Variants in SIPA1L2 observed in about 807,000 individuals in gnomAD.
SIPA1L2 encodes signal-induced proliferation-associated 1-like protein 2.
Under a neutral mutation model 163.9 loss-of-function variants are expected in SIPA1L2, and 56 were observed. The observed-to-expected ratio is 0.34, with a 90% CI of 0.28 to 0.43. The LOEUF is 0.43. Among genes scored for constraint, SIPA1L2 ranks in the 20% least tolerant of loss-of-function variants. SIPA1L2 has a pLI of 1.00. For synonymous variants in SIPA1L2, 877 were observed against 865.7 expected (o/e 1.01, Z -0.23); for missense variants, 1,974 against 2,193.5 (o/e 0.90, Z 2.00).
At chr1:232,627,629 TAA>T (rs1663152355) in intron 1 of SIPA1L2, among the ~76,000 whole-genome samples, 1 of 152,168 alleles carries the variant, frequency 6.6e-6, no homozygotes, top group Non-Finnish European at 1.5e-5. Flanking sequence ...CTTATTAGAC[TAA>T]AAGTTACATT....
chr1:232,458,296 T>C (rs933512340), intron 10 of SIPA1L2, among the ~76,000 whole-genome samples: 41 of 152,374 alleles, frequency 2.7e-4, no homozygotes, highest in Non-Finnish European at 5.0e-4. Context: ...TAATTATGTG[T>C]AGACCAAGGC....
chr1:232,460,741 C>T (rs983218252), intron 10 of SIPA1L2, 146 bp downstream of exon 10: 10 of 971,196 alleles, frequency 1.0e-5, no homozygotes, highest in Non-Finnish European at 1.5e-5. Context: ...ATCCCAACAA[C>T]ATTGTACAAA....
chr1:232,606,000 T>TGAG (rs1312096493), intron 1 of SIPA1L2, among the ~76,000 whole-genome samples: 1 of 152,224 alleles, frequency 6.6e-6, no homozygotes, highest in African/African-American at 2.4e-5. Context: ...ATGATGCTAC[T>TGAG]GAGTTCAAGA....
At chr1:232,572,738 CATATATATATATATATAT>C (rs1219493276) in intron 2 of SIPA1L2, among the ~76,000 whole-genome samples, 1 of 39,712 alleles carries the variant, frequency 2.5e-5, no homozygotes, top group Non-Finnish European at 5.5e-5. Flanking sequence ...TACATACATA[CATATATATATATATATAT>C]ATATATATAT....
chr1:232,584,637 C>T (rs1170396133), intron 1 of SIPA1L2, among the ~76,000 whole-genome samples: 1 of 152,158 alleles, frequency 6.6e-6, no homozygotes, highest in East Asian at 1.9e-4. Flanking sequence ...ATTAATCTAC[C>T]TCTTGTCAAT....
Position 232,500,549 on chromosome 1 carries a change from A to C in SIPA1L2, c.1484-6889T>G, listed in dbSNP as rs1237078996. 2.0e-5 allele frequency among the ~76,000 whole-genome samples: 3 copies of C among 152,214 alleles called. No homozygotes were observed. The East Asian group carries it at 5.8e-4, about 29-fold the overall frequency. On this transcript the variant is annotated intron_variant, in intron 3 of 22. Coordinates refer to ENST00000674635, the MANE Select transcript of SIPA1L2 (RefSeq NM_020808.5). ...AAGAGTTCACTGGAGGAAGTATTGC[A>C]GATATGGTAGAAATAGCAAGAGAAC...
intron 2 of SIPA1L2, among the ~76,000 whole-genome samples, chr1:232,572,860 C>T (rs1659874436): frequency 6.6e-6 from 1 of 151,152 alleles, no homozygotes; most frequent in Non-Finnish European, 1.5e-5. Flanking sequence ...CTCACCGCAA[C>T]CTCCGCCTCC....
intron 1 of SIPA1L2, among the ~76,000 whole-genome samples, chr1:232,620,175 G>A (rs1465270477): frequency 6.6e-6 from 1 of 152,140 alleles, no homozygotes; most frequent in Admixed American, 6.5e-5. Context: ...GAGCCACCAC[G>A]CCCGGCCAGA....
intron 10 of SIPA1L2, among the ~76,000 whole-genome samples, chr1:232,448,654 AG>A (rs1011828309): frequency 3.5e-4 from 54 of 152,362 alleles, no homozygotes; most frequent in African/African-American, 1.3e-3. Context: ...AGGTGTGCTG[AG>A]GGAAAAATCA....
chr1:232,438,783 TCTTCTC>T (rs1662713899), intron 15 of SIPA1L2, among the ~76,000 whole-genome samples: 2 of 152,086 alleles, frequency 1.3e-5, no homozygotes, highest in South Asian at 4.1e-4. Flanking sequence ...GAGTGCCACC[TCTTCTC>T]CAAAACACGT....
chr1:232,613,928 C>G (rs74846069), intron 1 of SIPA1L2, among the ~76,000 whole-genome samples: 106 of 152,222 alleles, frequency 7.0e-4, no homozygotes, highest in African/African-American at 2.4e-3. Context: ...TATTCCGAGT[C>G]CAACAATAAC....
intron 2 of SIPA1L2, among the ~76,000 whole-genome samples, chr1:232,562,977 T>TA (rs1357514155): frequency 3.9e-5 from 6 of 152,330 alleles, no homozygotes; most frequent in Admixed American, 3.3e-4. Flanking sequence ...CATCACCTGT[T>TA]AGACTGCCAA....
chr1:232,555,154 T>C (rs1174468031), intron 2 of SIPA1L2, among the ~76,000 whole-genome samples: 2 of 152,208 alleles, frequency 1.3e-5, no homozygotes, highest in Admixed American at 6.5e-5. Context: ...TGACTCTTCT[T>C]TCGAACAAAT....
At chr1:232,580,244 G>A (rs1302246150) in intron 1 of SIPA1L2, among the ~76,000 whole-genome samples, 1 of 152,150 alleles carries the variant, frequency 6.6e-6, no homozygotes, top group Admixed American at 6.5e-5. Context: ...GTGTCTTTTA[G>A]CATGCTGATG....
At position 232,591,679 on chromosome 1, in the gene SIPA1L2, T is replaced by C. The variant is rs1441935615; in HGVS notation, c.-318-17457A>G. On this transcript the variant is annotated intron_variant, in intron 1 of 22. Transcript: ENST00000674635. ...TTTTCTAGTCTCCTTAGTGAGGCCA[T>C]GTTAGGGCAGAGTCTAAGAAAATCA... Among the ~76,000 whole-genome samples, 28 of 152,216 alleles carry C rather than the reference T, an allele frequency of 1.8e-4. 1 individual carries two copies. Among genetic ancestry groups the C allele is most frequent in the Admixed American group, 1.6e-3 (25 of 15,284 alleles).
At chr1:232,524,493 C>G (rs947741341) in intron 2 of SIPA1L2, among the ~76,000 whole-genome samples, 10 of 152,010 alleles carry the variant, frequency 6.6e-5, no homozygotes, top group African/African-American at 2.4e-4. Context: ...ATAAAATGTT[C>G]AAATACTCTA....
chr1:232,581,408 A>C (rs930081544), intron 1 of SIPA1L2, among the ~76,000 whole-genome samples: 1 of 152,174 alleles, frequency 6.6e-6, no homozygotes, highest in Non-Finnish European at 1.5e-5. Context: ...TCACAGAGAA[A>C]GGGCTGTTAT....
intron 16 of SIPA1L2, among the ~76,000 whole-genome samples, chr1:232,430,957 C>T (rs1016501544): frequency 5.3e-5 from 8 of 152,204 alleles, no homozygotes; most frequent in African/African-American, 1.7e-4. Flanking sequence ...AAACCCCTTT[C>T]TCACCTCATT....
intron 1 of SIPA1L2, among the ~76,000 whole-genome samples, chr1:232,599,924 T>C (rs969768460): frequency 2.0e-5 from 3 of 152,252 alleles, no homozygotes; most frequent in Non-Finnish European, 2.9e-5. Flanking sequence ...CCTGAAAGTA[T>C]GTTACCCAGA....
Sources: gnomAD v4.1 joint callset for allele counts (sites outside exome capture counted in the v4.1 genomes callset) on GRCh38, gnomAD v4.1.1 for gene constraint, MANE v1.5 for transcripts, NCBI Gene and HGNC (gene_info 2026-07-23, HGNC 2026-07-21) for gene names.